The following RIMS4 variants were observed in gnomAD, a reference collection of about 807,000 sequenced individuals.
RIMS4 encodes regulating synaptic membrane exocytosis protein 4.
RIMS4 carries 9 observed loss-of-function variants against 29.0 expected under a neutral mutation model. The observed-to-expected ratio is 0.31, with a 90% confidence interval of 0.19 to 0.54. The LOEUF (loss-of-function observed/expected upper bound fraction) is 0.54, where lower values mean the gene tolerates loss of function less well. Ranked by LOEUF, RIMS4 falls within the 20% of genes least tolerant of loss-of-function variation. The pLI is 0.94. For missense variants in RIMS4, 193 were observed against 365.7 expected (o/e 0.53, Z 3.85); for synonymous variants, 130 against 152.9 (o/e 0.85, Z 1.10).
At chr20:44,801,430 C>CG (rs2066276804) in intron 1 of RIMS4, among the ~76,000 whole-genome samples, 1 of 152,146 alleles carries the variant, frequency 6.6e-6, no homozygotes, top group African/African-American at 2.4e-5. Context: ...TAAACTCCCC[C>CG]GGGAGCATTT....
At chr20:44,762,268 G>A (rs2066088768) in intron 2 of RIMS4, among the ~76,000 whole-genome samples, 2 of 152,150 alleles carry the variant, frequency 1.3e-5, no homozygotes, top group South Asian at 4.1e-4. Flanking sequence ...TAAGAGGCCA[G>A]GGACCAGTAC....
chr20:44,788,571 G>A (rs772873148), intron 1 of RIMS4, among the ~76,000 whole-genome samples: 35 of 152,050 alleles, frequency 2.3e-4, no homozygotes, highest in Admixed American at 1.3e-4. Flanking sequence ...CCAGGAGTTC[G>A]AGACCAGCCT....
intron 1 of RIMS4, among the ~76,000 whole-genome samples, chr20:44,797,651 C>T (rs911593529): frequency 1.4e-4 from 22 of 152,200 alleles, no homozygotes; most frequent in African/African-American, 5.1e-4. Context: ...GTGTCAGGCT[C>T]TGTTCTGGGA....
chr20:44,777,194 G>T (rs538230421), intron 1 of RIMS4, among the ~76,000 whole-genome samples: 9 of 152,256 alleles, frequency 5.9e-5, no homozygotes, highest in Non-Finnish European at 1.2e-4. Context: ...CAGCACCAGG[G>T]ATAGCGCCCA....
chr20:44,804,200 TCAGTGCGATCACAG>T lies in RIMS4; in HGVS notation c.97+5961_97+5974del, dbSNP rs550509702. On this transcript the variant is annotated intron_variant, in intron 1 of 5. Transcript: ENST00000372851. ...CTACCCCTTCAGGTTGCCATAGAAT[TCAGTGCGATCACAG>T]AAAGCAATGAGCATGGCCAAGCAAG... Among the ~76,000 whole-genome samples the T allele has an allele frequency of 2.2e-4, 34 of 152,334 alleles. No homozygotes were observed. The South Asian group carries it at 7.0e-3, about 32-fold the overall frequency.
Position 44,810,519 on chromosome 20 carries a change from C to T in RIMS4, c.-248G>A, listed in dbSNP as rs865940122. On this transcript the variant is annotated 5_prime_UTR_variant, in exon 1 of 6. Coordinates refer to ENST00000372851, the MANE Select transcript of RIMS4 (RefSeq NM_182970.4). ...GCGGCGGCGGCGGCGGCGGCGGTGGCGGCGGCGGTGGCGGCGCAGCGCGCT... is the reference window on the plus strand; with the variant it reads ...GCGGCGGCGGCGGCGGCGGCGGTGGTGGCGGCGGTGGCGGCGCAGCGCGCT... 5.6e-5 allele frequency among the ~76,000 whole-genome samples: 8 copies of T among 142,378 alleles called. No homozygotes were observed. Among genetic ancestry groups the T allele is most frequent in the South Asian group, 2.1e-4 (1 of 4,670 alleles). The allele number at this position is 142,378 out of a possible 152,430, so 93.4% of individuals were successfully genotyped here. A position where few individuals can be genotyped will look rare whatever the true frequency, so the allele number is the denominator to read the frequency against.
At chr20:44,789,371 C>T (rs1258760866) in intron 1 of RIMS4, among the ~76,000 whole-genome samples, 1 of 152,140 alleles carries the variant, frequency 6.6e-6, no homozygotes, top group Non-Finnish European at 1.5e-5. Flanking sequence ...GATCTCGGCT[C>T]ACTGCAAGCT....
intron 2 of RIMS4, among the ~76,000 whole-genome samples, chr20:44,760,320 A>G (rs2066078658): frequency 6.6e-6 from 1 of 152,226 alleles, no homozygotes; most frequent in East Asian, 1.9e-4. Flanking sequence ...AGAAAAGGGC[A>G]GAACACTTTA....
rs1219214750 is a variant in RIMS4, at chr20:44,810,507, C to CGGCGGCGGT, written c.-245_-237dup. Reference sequence around the variant, plus strand: ...GCTGTGCTGCTGGCGGCGGCGGCGGCGGCGGCGGTGGCGGCGGCGGTGGCG... The same window carrying CGGCGGCGGT: ...GCTGTGCTGCTGGCGGCGGCGGCGGCGGCGGCGGTGGCGGCGGTGGCGGCGGCGGTGGCG... On this transcript the variant is annotated 5_prime_UTR_variant, in exon 1 of 6. Coordinates refer to ENST00000372851, the MANE Select transcript of RIMS4 (RefSeq NM_182970.4). Among the ~76,000 whole-genome samples the CGGCGGCGGT allele has an allele frequency of 3.5e-5, 5 of 142,220 alleles. No homozygotes were observed. Among genetic ancestry groups the CGGCGGCGGT allele is most frequent in the South Asian group, 2.2e-4 (1 of 4,644 alleles). 93.3% of individuals were successfully genotyped at this position (142,220 alleles called of 152,430 possible). A position where few individuals can be genotyped will look rare whatever the true frequency, so the allele number is the denominator to read the frequency against.
intron 1 of RIMS4, among the ~76,000 whole-genome samples, chr20:44,790,994 T>C (rs961029422): frequency 6.6e-6 from 1 of 152,258 alleles, no homozygotes; most frequent in African/African-American, 2.4e-5. Flanking sequence ...TAGGTCTGCC[T>C]TGCCAAGTCT....
At chr20:44,775,779 A>C (rs2066157629) in intron 1 of RIMS4, among the ~76,000 whole-genome samples, 1 of 152,214 alleles carries the variant, frequency 6.6e-6, no homozygotes, top group Non-Finnish European at 1.5e-5. Context: ...AAGCAAGTAA[A>C]AGTTCAAAAA....
At chr20:44,799,500 G>A (rs2066268858) in intron 1 of RIMS4, among the ~76,000 whole-genome samples, 1 of 152,192 alleles carries the variant, frequency 6.6e-6, no homozygotes, top group Non-Finnish European at 1.5e-5. Context: ...ACCTGGTCCA[G>A]TCTTGGTGTT....
At chr20:44,767,744 A>AGGCGAGG in intron 2 of RIMS4, among the ~76,000 whole-genome samples, 1 of 152,208 alleles carries the variant, frequency 6.6e-6, no homozygotes, top group East Asian at 1.9e-4. Flanking sequence ...TAACAGTCCC[A>AGGCGAGG]TTGTCAGGTT....
intron 2 of RIMS4, among the ~76,000 whole-genome samples, chr20:44,760,749 C>G (rs749021513): frequency 2.7e-4 from 41 of 152,168 alleles, no homozygotes; most frequent in South Asian, 6.2e-4. Context: ...TCTATTGTGT[C>G]CAGGCACTAT....
chr20:44,785,756 T>C (rs1202521309), intron 1 of RIMS4, among the ~76,000 whole-genome samples: 1 of 151,474 alleles, frequency 6.6e-6, no homozygotes, highest in Non-Finnish European at 1.5e-5. Flanking sequence ...TTTTCTTTTT[T>C]TTTTTTTTTT....
chr20:44,784,524 CCT>C (rs1321891131), intron 1 of RIMS4, among the ~76,000 whole-genome samples: 6 of 152,216 alleles, frequency 3.9e-5, no homozygotes, highest in African/African-American at 1.4e-4. Context: ...CAGCACATCC[CCT>C]GTTGCTCCAG....
chr20:44,786,179 C>T (rs1262429650), intron 1 of RIMS4, among the ~76,000 whole-genome samples: 1 of 152,238 alleles, frequency 6.6e-6, no homozygotes, highest in Admixed American at 6.5e-5. Context: ...CTTGTGCTCC[C>T]ATCCTTCCCT....
chr20:44,802,919 A>C (rs1429839356), intron 1 of RIMS4, among the ~76,000 whole-genome samples: 1 of 152,102 alleles, frequency 6.6e-6, no homozygotes, highest in Non-Finnish European at 1.5e-5. Flanking sequence ...GCCTTTGCAC[A>C]GTTATTCCCT....
chr20:44,756,016 C>G lies in RIMS4; in HGVS notation c.*118G>C. On this transcript the variant is annotated 3_prime_UTR_variant, in exon 6 of 6. Coordinates refer to ENST00000372851, the MANE Select transcript of RIMS4 (RefSeq NM_182970.4). This position sits in a 1 kb window ranked among gnomAD's most constrained non-coding sequence, Gnocchi z 5.9. ...AGGGGGGGCAGGTCTCCCCGTTCTG[C>G]TTCCCCACTGTGGGGGAGAGCCCCG... is the stretch of plus-strand genomic sequence containing the variant. 3.6e-6 allele frequency: 3 copies of G among 834,162 alleles called. No individual in the cohort carries two copies. The highest frequency in any genetic ancestry group is 5.8e-6 in the Non-Finnish European group (3 of 519,100). 51.7% of individuals were successfully genotyped at this position (834,162 alleles called of 1,614,324 possible). A position where few individuals can be genotyped will look rare whatever the true frequency, so the allele number is the denominator to read the frequency against.
Sources: gnomAD v4.1 joint callset for allele counts (sites outside exome capture counted in the v4.1 genomes callset) on GRCh38, gnomAD v4.1.1 for gene constraint, Gnocchi (gnomAD v3.1) non-coding constraint, MANE v1.5 for transcripts, NCBI Gene and HGNC (gene_info 2026-07-23, HGNC 2026-07-21) for gene names.